The following PSIP1 variants were observed in gnomAD, a reference collection of about 807,000 sequenced individuals.
PSIP1 encodes the protein PC4 and SFRS1-interacting protein.
In PSIP1, 19 loss-of-function variants were observed where a neutral mutation model predicts 74.7. The ratio of observed to expected loss-of-function variants is 0.25; its 90% CI spans 0.18 to 0.37. The LOEUF (loss-of-function observed/expected upper bound fraction) is 0.37. Ranked by LOEUF, PSIP1 falls within the 10% of genes least tolerant of loss-of-function variation. PSIP1 has a pLI of 1.00. For missense variants in PSIP1, 601 were observed against 614.3 expected (o/e 0.98, Z 0.23); for synonymous variants, 222 against 195.3 (o/e 1.14, Z -1.14).
intron 2 of PSIP1, among the ~76,000 whole-genome samples, chr9:15,508,469 G>A (rs546875247): frequency 6.6e-6 from 1 of 152,276 alleles, no homozygotes; most frequent in South Asian, 2.1e-4. Context: ...TCTTCCAAAG[G>A]CTACCCTATT....
intron 10 of PSIP1, among the ~76,000 whole-genome samples, chr9:15,470,351 A>G (rs908732685): frequency 1.3e-5 from 2 of 152,252 alleles, no homozygotes; most frequent in African/African-American, 4.8e-5. Flanking sequence ...AAATAGACCA[A>G]TTTAATCATT....
intron 10 of PSIP1, chr9:15,472,227 CT>C: frequency 1.0e-6 from 1 of 989,874 alleles, no homozygotes; most frequent in Non-Finnish European, 1.2e-6. Context: ...TTTTGCTGGT[CT>C]TTAGGGTGAG....
intron 10 of PSIP1, chr9:15,472,036 AAAATTAT>A (rs1293606212): frequency 4.1e-6 from 4 of 972,102 alleles, no homozygotes; most frequent in Non-Finnish European, 4.9e-6. Flanking sequence ...TTCTAGTAAT[AAAATTAT>A]ATAGTAAGGG....
At chr9:15,472,557 T>C (rs2035884588) in intron 10 of PSIP1, 75 bp downstream of exon 10, 1 of 1,514,666 alleles carries the variant, frequency 6.6e-7, no homozygotes, top group East Asian at 2.4e-5. Flanking sequence ...GTCTGGAAAA[T>C]GAAAGTCTAT....
At chr9:15,469,705 A>G (rs2035754438) in intron 11 of PSIP1, among the ~76,000 whole-genome samples, 1 of 152,156 alleles carries the variant, frequency 6.6e-6, no homozygotes, top group Non-Finnish European at 1.5e-5. Flanking sequence ...AGTGTACTAA[A>G]ATTTGACACC....
intron 6 of PSIP1, among the ~76,000 whole-genome samples, chr9:15,483,945 T>A (rs1000043654): frequency 3.3e-5 from 5 of 151,940 alleles, no homozygotes; most frequent in African/African-American, 9.7e-5. Flanking sequence ...CTGGCCACCA[T>A]GGTGAAACCC....
chr9:15,502,737 C>T (rs2037405386), intron 3 of PSIP1, among the ~76,000 whole-genome samples: 2 of 152,160 alleles, frequency 1.3e-5, no homozygotes, highest in African/African-American at 4.8e-5. Context: ...AAGGATAATA[C>T]CAAGACTTGG....
intron 9 of PSIP1, 84 bp downstream of exon 9, chr9:15,473,925 A>AC (rs1371735342): frequency 3.0e-5 from 24 of 794,856 alleles, no homozygotes; most frequent in Middle Eastern, 8.8e-4. Context: ...CAAAAAAAAA[A>AC]ACAAAAAAAA....
chr9:15,475,979 A>G (rs2036058011), intron 8 of PSIP1, among the ~76,000 whole-genome samples: 1 of 152,186 alleles, frequency 6.6e-6, no homozygotes, highest in African/African-American at 2.4e-5. Context: ...GTTGGTTTTT[A>G]GCTCTTCTGG....
intron 3 of PSIP1, among the ~76,000 whole-genome samples, chr9:15,494,941 CG>C (rs2037007310): frequency 6.6e-6 from 1 of 152,094 alleles, no homozygotes; most frequent in South Asian, 2.1e-4. Flanking sequence ...TCCATGAAAA[CG>C]TATTTCTGGT....
chr9:15,474,986 T>TC (rs2036012628), intron 8 of PSIP1, among the ~76,000 whole-genome samples: 1 of 152,162 alleles, frequency 6.6e-6, no homozygotes, highest in South Asian at 2.1e-4. Context: ...TGAAGAGACT[T>TC]CCTATCATTC....
intron 3 of PSIP1, among the ~76,000 whole-genome samples, chr9:15,501,490 C>CA (rs897371187): frequency 2.0e-5 from 3 of 152,046 alleles, no homozygotes; most frequent in African/African-American, 7.2e-5. Flanking sequence ...TATCCGAAGG[C>CA]ATAACCTTCC....
chr9:15,500,830 A>T (rs2037309632), intron 3 of PSIP1, among the ~76,000 whole-genome samples: 1 of 152,214 alleles, frequency 6.6e-6, no homozygotes, highest in Admixed American at 6.5e-5. Flanking sequence ...GACTTCTAAG[A>T]TACAGAACTA....
intron 9 of PSIP1, 105 bp downstream of exon 9, chr9:15,473,904 C>CAAAAAAAAAAAAAAAAAAAAAAAA (rs372363481): frequency 1.6e-6 from 1 of 629,998 alleles, no homozygotes; most frequent in Non-Finnish European, 2.1e-6. Flanking sequence ...CCATCTCAAA[C>CAAAAAAAAAAAAAAAAAAAAAAAA]AAAAAAAAAA....
At chr9:15,476,632 G>A (rs2036093313) in intron 8 of PSIP1, among the ~76,000 whole-genome samples, 1 of 152,192 alleles carries the variant, frequency 6.6e-6, no homozygotes, top group African/African-American at 2.4e-5. Flanking sequence ...ATGGACAAAT[G>A]ATTCCTGAGG....
chr9:15,490,205 T>G, intron 3 of PSIP1, 81 bp from the exon 4 acceptor site: 1 of 1,268,964 alleles, frequency 7.9e-7, no homozygotes, highest in Non-Finnish European at 1.0e-6. Context: ...TATTACACAA[T>G]TATCAAAAAT....
At chr9:15,478,953 G>A (rs1259740990) in intron 7 of PSIP1, among the ~76,000 whole-genome samples, 1 of 151,798 alleles carries the variant, frequency 6.6e-6, no homozygotes, top group African/African-American at 2.4e-5. Context: ...AGTTTCCCTA[G>A]CACTATTAAT....
chr9:15,464,573 TTTCAA>T lies in PSIP1; in HGVS notation c.*942_*946del, dbSNP rs1422562692. On this transcript the variant is annotated 3_prime_UTR_variant, in exon 16 of 16. Coordinates refer to ENST00000380733, the MANE Select transcript of PSIP1 (RefSeq NM_033222.5). ...GAAAATAAAAACAATATAGCCATGA[TTTCAA>T]ATAGGTGAGTTTCCTTATATAACAT... 1 of 198,860 alleles carries T rather than the reference TTTCAA, an allele frequency of 5.0e-6. No individual in the cohort carries two copies. Among genetic ancestry groups the T allele is most frequent in the Non-Finnish European group, 1.0e-5 (1 of 96,498 alleles). 12.3% of individuals were successfully genotyped at this position (198,860 alleles called of 1,614,324 possible). A position where few individuals can be genotyped will look rare whatever the true frequency, so the allele number is the denominator to read the frequency against.
At chr9:15,481,334 G>T (rs1302653767) in intron 6 of PSIP1, among the ~76,000 whole-genome samples, 3 of 152,146 alleles carry the variant, frequency 2.0e-5, no homozygotes, top group East Asian at 1.9e-4. Flanking sequence ...CAATTCTTTG[G>T]TGCAAAGAAG....
Sources: allele counts gnomAD v4.1 joint callset (sites outside exome capture counted in the v4.1 genomes callset), GRCh38; gene constraint gnomAD v4.1.1; transcripts MANE v1.5; gene names NCBI Gene and HGNC (gene_info 2026-07-23, HGNC 2026-07-21).